TMEM132D: variants seen among roughly 807,000 people sequenced by gnomAD.
The protein encoded by TMEM132D is mature OL transmembrane protein.
In TMEM132D, 21 loss-of-function variants were observed where a neutral mutation model predicts 62.3. The ratio of observed to expected loss-of-function variants is 0.34; its 90% CI spans 0.24 to 0.49. TMEM132D has a LOEUF of 0.49. Ranked by LOEUF, TMEM132D falls within the 20% of genes least tolerant of loss-of-function variation. The pLI is 0.99. For synonymous variants in TMEM132D, 621 were observed against 575.6 expected (o/e 1.08, Z -1.13); for missense variants, 1,346 against 1,402.8 (o/e 0.96, Z 0.65).
chr12:129,741,326 G>C (rs1363378555), intron 1 of TMEM132D, among the ~76,000 whole-genome samples: 1 of 152,104 alleles, frequency 6.6e-6, no homozygotes, highest in African/African-American at 2.4e-5. Context: ...AACAGAGACT[G>C]CTTCCTAGGA....
At chr12:129,267,261 A>G (rs978142444) in intron 4 of TMEM132D, among the ~76,000 whole-genome samples, 1 of 152,180 alleles carries the variant, frequency 6.6e-6, no homozygotes, top group African/African-American at 2.4e-5. Flanking sequence ...TTTGCAGATG[A>G]CATGATTATA....
chr12:129,758,675 C>T (rs1403001912), intron 1 of TMEM132D, among the ~76,000 whole-genome samples: 1 of 152,178 alleles, frequency 6.6e-6, no homozygotes, highest in African/African-American at 2.4e-5. Context: ...TTGGCAGCTT[C>T]TGTACTTGTT....
intron 1 of TMEM132D, among the ~76,000 whole-genome samples, chr12:129,734,694 TA>T (rs1565966578): frequency 1.3e-5 from 2 of 152,210 alleles, no homozygotes; most frequent in African/African-American, 4.8e-5. Context: ...TTAATTAATT[TA>T]AAAAATTAAT....
chr12:129,595,296 A>G (rs975305250), intron 2 of TMEM132D, among the ~76,000 whole-genome samples: 1 of 152,216 alleles, frequency 6.6e-6, no homozygotes, highest in Non-Finnish European at 1.5e-5. Flanking sequence ...GTGCATACGT[A>G]GACAAGATGA....
chr12:129,820,343 G>A (rs1247651019), intron 1 of TMEM132D, among the ~76,000 whole-genome samples: 1 of 152,190 alleles, frequency 6.6e-6, no homozygotes, highest in Non-Finnish European at 1.5e-5. Context: ...GGGGCCATCA[G>A]TGCTCTTTTG....
In TMEM132D at chr12:129,590,235, T is replaced by C. The variant is rs534476625; in HGVS notation, c.969-59030A>G. The stretch of plus-strand genomic sequence containing the variant: ...TGCCGTCTCATTTGTGAGGTTGAGA[T>C]GAGCAACCCCCATCCTTGCCATTTT... On this transcript the variant is annotated intron_variant, in intron 2 of 8. Transcript: ENST00000422113. 3.3e-5 allele frequency among the ~76,000 whole-genome samples: 5 copies of C among 152,298 alleles called. No homozygotes were observed. The East Asian group carries it at 9.7e-4, about 29-fold the overall frequency.
rs1555254704 is a variant in TMEM132D, at chr12:129,420,312, T to TTTTTG, written c.1116-82496_1116-82495insCAAAA. 1.5e-3 allele frequency among the ~76,000 whole-genome samples: 92 copies of TTTTTG among 61,356 alleles called. 1 individual carries two copies. The highest frequency in any genetic ancestry group is 5.2e-3 in the African/African-American group (88 of 16,958). 40.3% of individuals were successfully genotyped at this position (61,356 alleles called of 152,430 possible). A position where few individuals can be genotyped will look rare whatever the true frequency, so the allele number is the denominator to read the frequency against. On this transcript the variant is annotated intron_variant, in intron 3 of 8. Transcript: ENST00000422113. ...AAATTATTGCACGTTCTCTGTTTTTTTTTTTTTTTTTTTTTTTTGCAGTAT... is the reference window on the plus strand; with the variant it reads ...AAATTATTGCACGTTCTCTGTTTTTTTTTTGTTTTTTTTTTTTTTTTTTGCAGTAT...
chr12:129,393,030 A>G (rs537651279), intron 3 of TMEM132D, among the ~76,000 whole-genome samples: 1 of 152,292 alleles, frequency 6.6e-6, no homozygotes, highest in Admixed American at 6.5e-5. Context: ...GAACGAACAG[A>G]CTTTTTTTTC....
chr12:129,767,436 AC>A (rs1870588264), intron 1 of TMEM132D, among the ~76,000 whole-genome samples: 1 of 152,012 alleles, frequency 6.6e-6, no homozygotes, highest in South Asian at 2.1e-4. Flanking sequence ...ACCATCACCC[AC>A]CCCCAGAACT....
At chr12:129,705,886 AAGTT>A (rs1225066481) in intron 1 of TMEM132D, among the ~76,000 whole-genome samples, 2 of 152,274 alleles carry the variant, frequency 1.3e-5, no homozygotes, top group Non-Finnish European at 2.9e-5. Context: ...GAACAAAAGA[AAGTT>A]AAAGTGGACT....
intron 5 of TMEM132D, among the ~76,000 whole-genome samples, chr12:129,150,630 A>G (rs1877044839): frequency 6.6e-6 from 1 of 152,238 alleles, no homozygotes; most frequent in Admixed American, 6.5e-5. Flanking sequence ...ATTCAAAGCC[A>G]GGTGGTCTGA....
chr12:129,811,845 G>A (rs1397690354), intron 1 of TMEM132D, among the ~76,000 whole-genome samples: 1 of 151,668 alleles, frequency 6.6e-6, no homozygotes, highest in Non-Finnish European at 1.5e-5. Flanking sequence ...GCCAGCCAGA[G>A]CACTGGGACC....
chr12:129,363,996 G>T (rs186696906), intron 3 of TMEM132D, among the ~76,000 whole-genome samples: 206 of 152,300 alleles, frequency 1.4e-3, no homozygotes, highest in African/African-American at 4.5e-3. Flanking sequence ...AGAATGAACT[G>T]CATCTTCTTT....
intron 3 of TMEM132D, among the ~76,000 whole-genome samples, chr12:129,398,979 G>A (rs1009731566): frequency 1.4e-4 from 22 of 152,246 alleles, no homozygotes; most frequent in African/African-American, 5.1e-4. Flanking sequence ...TCCAGAGGCT[G>A]GGACATCCAA....
chr12:129,713,946 G>A (rs550767253), intron 1 of TMEM132D, among the ~76,000 whole-genome samples: 121 of 152,348 alleles, frequency 7.9e-4, no homozygotes, highest in Admixed American at 1.3e-3. Context: ...AACTCACCTC[G>A]AAACTGTTGA....
At chr12:129,387,765 ACTAACACCAACACCAATC>A (rs1871154255) in intron 3 of TMEM132D, among the ~76,000 whole-genome samples, 1 of 149,360 alleles carries the variant, frequency 6.7e-6, no homozygotes, top group Admixed American at 6.6e-5. Flanking sequence ...CAACACCAAT[ACTAACACCAACACCAATC>A]CAGCACTGAC....
At chr12:129,695,778 A>G (rs1456083198) in intron 2 of TMEM132D, among the ~76,000 whole-genome samples, 1 of 152,206 alleles carries the variant, frequency 6.6e-6, no homozygotes, top group Non-Finnish European at 1.5e-5. Flanking sequence ...GGATAACGAG[A>G]GGAACTATTG....
chr12:129,523,887 G>T (rs963199594), intron 3 of TMEM132D, among the ~76,000 whole-genome samples: 1 of 152,142 alleles, frequency 6.6e-6, no homozygotes, highest in Non-Finnish European at 1.5e-5. Flanking sequence ...TCTCAAGGAG[G>T]CAATGTAGAT....
At chr12:129,130,634 G>T (rs538344012) in intron 5 of TMEM132D, among the ~76,000 whole-genome samples, 143 of 152,286 alleles carry the variant, frequency 9.4e-4, no homozygotes, top group African/African-American at 3.3e-3. Context: ...AGACCAACAG[G>T]TTCAGAGCAT....
Sources: allele counts gnomAD v4.1 joint callset (sites outside exome capture counted in the v4.1 genomes callset), GRCh38; gene constraint gnomAD v4.1.1; transcripts MANE v1.5; gene names NCBI Gene and HGNC (gene_info 2026-07-23, HGNC 2026-07-21).